The following NLGN2 variants were observed in gnomAD, a reference collection of about 807,000 sequenced individuals.
The protein encoded by NLGN2 is neuroligin 2.
In NLGN2, 11 loss-of-function variants were observed where a neutral mutation model predicts 48.6. The observed-to-expected ratio is 0.23, with a 90% CI of 0.14 to 0.37. The LOEUF is 0.37. NLGN2 is among the 10% of genes least tolerant of loss of function. The pLI is 1.00. For missense variants in NLGN2, 801 were observed against 1,225.2 expected (o/e 0.65, Z 5.17); for synonymous variants, 548 against 550.0 (o/e 1.00, Z 0.05).
At position 7,408,216 on chromosome 17, in the gene NLGN2, G is replaced by T. The variant is rs1287094592; in HGVS notation, c.-40G>T. 1.3e-5 allele frequency: 14 copies of T among 1,119,328 alleles called. No individual in the cohort carries two copies. The highest frequency in any genetic ancestry group is 9.9e-5 in the South Asian group (4 of 40,474). 69.3% of individuals were successfully genotyped at this position (1,119,328 alleles called of 1,614,324 possible). ...CCCCCCTTCTCTCTCTCTCCGAGGG[G>T]GGGGGGTCCCAGGGAGGGAGGGGGG... On this transcript the variant is annotated 5_prime_UTR_variant, in exon 1 of 7. Coordinates refer to ENST00000302926, the MANE Select transcript of NLGN2 (RefSeq NM_020795.4). The surrounding 1 kb of genome is among the most constrained non-coding windows in gnomAD (Gnocchi z 7.5).
At position 7,415,166 on chromosome 17, in the gene NLGN2, G is replaced by T; in HGVS notation, c.1037+18G>T. On this transcript the variant is annotated intron_variant, in intron 5 of 6. Coordinates refer to ENST00000302926, the MANE Select transcript of NLGN2 (RefSeq NM_020795.4). ...CCTGCCCGGTATGGGGTGGGAGAGG[G>T]CTGGGTCCAGGCCTTCAAGGTTCCA... 1.3e-6 allele frequency: 2 copies of T among 1,575,318 alleles called. No homozygotes were observed. Among genetic ancestry groups the T allele is most frequent in the Non-Finnish European group, 8.6e-7 (1 of 1,161,298 alleles).
In NLGN2 at chr17:7,408,791, C is replaced by G. The variant is rs929874700; in HGVS notation, c.457+79C>G. 1.8e-4 allele frequency: 288 copies of G among 1,606,386 alleles called. No homozygotes were observed. The highest frequency in any genetic ancestry group is 2.2e-4 in the Non-Finnish European group (254 of 1,177,778). ...CATGCAGACCCTCAGGCACTGGCAC[C>G]GCTCTAGGGCTCAGAGCTGGGCCTT... On this transcript the variant is annotated intron_variant, in intron 1 of 6. Coordinates refer to ENST00000302926, the MANE Select transcript of NLGN2 (RefSeq NM_020795.4). The surrounding 1 kb of genome is among the most constrained non-coding windows in gnomAD (Gnocchi z 7.5).
At position 7,408,151 on chromosome 17, in the gene NLGN2, C is replaced by T; in HGVS notation, c.-105C>T. On this transcript the variant is annotated 5_prime_UTR_variant, in exon 1 of 7. Transcript: ENST00000302926. The surrounding 1 kb of genome is among the most constrained non-coding windows in gnomAD (Gnocchi z 7.5). ...CCCTCCTCCCTCCTTTCCCCCCGCCCCTCCTCCCTCCTGGGGCGAGGGGGG... is the reference window on the plus strand; with the variant it reads ...CCCTCCTCCCTCCTTTCCCCCCGCCTCTCCTCCCTCCTGGGGCGAGGGGGG... The T allele has an allele frequency of 1.9e-6, 1 of 539,996 alleles. No homozygotes were observed. The highest frequency in any genetic ancestry group is 2.9e-6 in the Non-Finnish European group (1 of 341,146). The allele number at this position is 539,996 out of a possible 1,614,324, so 33.5% of individuals were successfully genotyped here. A position where few individuals can be genotyped will look rare whatever the true frequency, so the allele number is the denominator to read the frequency against.
At position 7,408,387 on chromosome 17, in the gene NLGN2, G is replaced by T. The variant is rs765245616; in HGVS notation, c.132G>T (p.Val44=). The T allele has an allele frequency of 1.3e-6, 2 of 1,537,834 alleles. No homozygotes were observed. Among genetic ancestry groups the T allele is most frequent in the South Asian group, 2.4e-5 (2 of 82,710 alleles). ...GSLGEERFPV[V]NTAYGRVRGV... ...TCGGCGAGGAGCGCTTCCCGGTGGT[G>T]AACACGGCCTACGGGCGAGTGCGCG... Residue 44 remains valine (V), a synonymous_variant, in exon 1 of 7, where the codon GTG becomes GTT. Transcript: ENST00000302926. The surrounding 1 kb of genome is among the most constrained non-coding windows in gnomAD (Gnocchi z 7.5).
At chr17:7,406,523 G>A (rs1906645200), upstream of NLGN2, among the ~76,000 whole-genome samples, 1 of 152,112 alleles carries the variant, frequency 6.6e-6, no homozygotes, top group South Asian at 2.1e-4. Flanking sequence ...GCATGACTGG[G>A]TGTGTGTGGT....
chr17:7,408,545 G>GCAACGCCACCACC lies in NLGN2; in HGVS notation c.292_304dup (p.Leu102GlnfsTer63). 1 of 1,547,854 alleles carries GCAACGCCACCACC rather than the reference G, an allele frequency of 6.5e-7. No individual in the cohort carries two copies. The highest frequency in any genetic ancestry group is 8.7e-7 in the Non-Finnish European group (1 of 1,148,782). On this transcript the variant is annotated frameshift_variant, in exon 1 of 7. Transcript: ENST00000302926. LOFTEE classifies it high-confidence loss of function. This position sits in a 1 kb window ranked among gnomAD's most constrained non-coding sequence, Gnocchi z 7.5. ...GCGCCCGCCTCGTGGCCCGGCGTGC[G>GCAACGCCACCACC]CAACGCCACCACCCTGCCGCCCGCC...
Position 7,408,147 on chromosome 17 carries a change from C to A in NLGN2, c.-109C>A, listed in dbSNP as rs191581477. ...AACCCCCTCCTCCCTCCTTTCCCCC[C>A]GCCCCTCCTCCCTCCTGGGGCGAGG... On this transcript the variant is annotated 5_prime_UTR_variant, in exon 1 of 7. Coordinates refer to ENST00000302926, the MANE Select transcript of NLGN2 (RefSeq NM_020795.4). The surrounding 1 kb of genome is among the most constrained non-coding windows in gnomAD (Gnocchi z 7.5). 0.023 allele frequency: 12,184 copies of A among 520,328 alleles called. 218 individuals carry two copies. The highest frequency in any genetic ancestry group is 0.042 in the Admixed American group (941 of 22,284). The allele number at this position is 520,328 out of a possible 1,614,324, so 32.2% of individuals were successfully genotyped here.
rs774750981 is a variant in NLGN2 at position 7,414,411 on chromosome 17, C to T, written c.576C>T (p.Thr192=). Residue 192 remains threonine (T), a synonymous_variant, in exon 3 of 7, where the codon ACC becomes ACT. Transcript: ENST00000302926. ...FLHGGSYMEG[T]GNMFDGSVLA... ...ATGGCGGCTCCTACATGGAGGGGAC[C>T]GGAAACATGTTCGATGGCTCAGTCC... The T allele has an allele frequency of 2.5e-5, 40 of 1,613,998 alleles. No homozygotes were observed. Among genetic ancestry groups the T allele is most frequent in the East Asian group, 6.7e-5 (3 of 44,882 alleles).
Position 7,417,262 on chromosome 17 carries a change from C to A in NLGN2, c.1971C>A (p.Pro657=), listed in dbSNP as rs78081080. 4 of 1,563,274 alleles carry A rather than the reference C, an allele frequency of 2.6e-6. No homozygotes were observed. The East Asian group carries it at 9.8e-5, about 38-fold the overall frequency. ...TGCCTCCCGAGCCCGAGCCCGAGCC[C>A]GGCCCAAGGGCCTATGACCGCTTCC... is the stretch of plus-strand genomic sequence containing the variant. ...ATLPPEPEPE[P]GPRAYDRFPG... The change falls in exon 7 of 7, where the codon CCC becomes CCA. Residue 657 remains proline (P), a synonymous_variant. Coordinates refer to ENST00000302926, the MANE Select transcript of NLGN2 (RefSeq NM_020795.4).
intron 5 of NLGN2, among the ~76,000 whole-genome samples, 180 bp from the exon 6 acceptor site, chr17:7,415,331 A>G (rs1377047956): frequency 2.0e-5 from 3 of 152,224 alleles, no homozygotes; most frequent in Non-Finnish European, 1.5e-5. Context: ...ACAGGGTGCC[A>G]TGAAGTGCTT....
chr17:7,408,763 G>A lies in NLGN2; in HGVS notation c.457+51G>A, dbSNP rs1458142010. 1 of 1,610,210 alleles carries A rather than the reference G, an allele frequency of 6.2e-7. No homozygotes were observed. Among genetic ancestry groups the A allele is most frequent in the Non-Finnish European group, 8.5e-7 (1 of 1,178,728 alleles). Reference sequence around the variant, plus strand: ...CACCCCGTGGACACAGCCCACAAACGCACATGCAGACCCTCAGGCACTGGC... The same window carrying A: ...CACCCCGTGGACACAGCCCACAAACACACATGCAGACCCTCAGGCACTGGC... On this transcript the variant is annotated intron_variant, in intron 1 of 6. Coordinates refer to ENST00000302926, the MANE Select transcript of NLGN2 (RefSeq NM_020795.4). This position sits in a 1 kb window ranked among gnomAD's most constrained non-coding sequence, Gnocchi z 7.5.
In NLGN2 at chr17:7,417,167, G is replaced by A. The variant is rs780180628; in HGVS notation, c.1876G>A (p.Ala626Thr). The change falls in exon 7 of 7, where the codon GCC (alanine) becomes ACC (threonine). Residue 626 changes from alanine to threonine, a missense_variant. Around this residue, in one of 5 missense-constraint regions of NLGN2, gnomAD observed 303 missense variants for 600.1 expected, o/e 0.50. Transcript: ENST00000302926. ...FTTTTRLPPY[A>T]TRWPPRPPAG... ...CACCACCACGCGCCTGCCTCCCTACGCCACGCGCTGGCCGCCTCGTCCCCC... is the reference window on the plus strand; with the variant it reads ...CACCACCACGCGCCTGCCTCCCTACACCACGCGCTGGCCGCCTCGTCCCCC... The A allele has an allele frequency of 3.1e-6, 5 of 1,594,780 alleles. No individual in the cohort carries two copies. The highest frequency in any genetic ancestry group is 4.5e-5 in the East Asian group (2 of 44,120).
rs1907282703 is a variant in NLGN2 at position 7,419,164 on chromosome 17, GAA to G, written c.*1367_*1368del. ...ACCCACGCCCCCTCCTTGTCTGAAAGAAAGGAGCCTTGAATGGTGGAGGGAGG... is the reference window on the plus strand; with the variant it reads ...ACCCACGCCCCCTCCTTGTCTGAAAGAGGAGCCTTGAATGGTGGAGGGAGG... On this transcript the variant is annotated 3_prime_UTR_variant, in exon 7 of 7. Transcript: ENST00000302926. 1 of 152,590 alleles carries G rather than the reference GAA, an allele frequency of 6.6e-6. No homozygotes were observed. Among genetic ancestry groups the G allele is most frequent in the East Asian group, 1.9e-4 (1 of 5,174 alleles). The allele number at this position is 152,590 out of a possible 1,614,324, so 9.5% of individuals were successfully genotyped here. A position where few individuals can be genotyped will look rare whatever the true frequency, so the allele number is the denominator to read the frequency against.
rs920616411 is a variant in NLGN2 at position 7,411,216 on chromosome 17, G to T, written c.458-941G>T. On this transcript the variant is annotated intron_variant, in intron 1 of 6. Transcript: ENST00000302926. The surrounding 1 kb of genome is among the most constrained non-coding windows in gnomAD (Gnocchi z 4.5). The stretch of plus-strand genomic sequence containing the variant: ...TCCCTATCTGTGGACTGAACCACCC[G>T]CTCGGCCGTTGGGGAAGGGGTGCTT... Among the ~76,000 whole-genome samples, 1 of 152,334 alleles carries T rather than the reference G, an allele frequency of 6.6e-6. No individual in the cohort carries two copies. The highest frequency in any genetic ancestry group is 1.9e-4 in the East Asian group (1 of 5,184).
Position 7,408,785 on chromosome 17 carries a change from T to G in NLGN2, c.457+73T>G. The G allele has an allele frequency of 6.2e-7, 1 of 1,607,800 alleles. No individual in the cohort carries two copies. ...AACGCACATGCAGACCCTCAGGCAC[T>G]GGCACCGCTCTAGGGCTCAGAGCTG... On this transcript the variant is annotated intron_variant, in intron 1 of 6. Transcript: ENST00000302926. This position sits in a 1 kb window ranked among gnomAD's most constrained non-coding sequence, Gnocchi z 7.5.
At position 7,408,401 on chromosome 17, in the gene NLGN2, G is replaced by A. The variant is rs1375906366; in HGVS notation, c.146G>A (p.Gly49Glu). The A allele has an allele frequency of 6.4e-7, 1 of 1,556,684 alleles. No individual in the cohort carries two copies. The highest frequency in any genetic ancestry group is 8.6e-7 in the Non-Finnish European group (1 of 1,156,462). Residue 49 changes from glycine to glutamate, a missense_variant, in exon 1 of 7, where the codon GGG (glycine) becomes GAG (glutamate). Around this residue, in one of 5 missense-constraint regions of NLGN2, gnomAD observed 164 missense variants for 186.2 expected, o/e 0.88. Transcript: ENST00000302926. The surrounding 1 kb of genome is among the most constrained non-coding windows in gnomAD (Gnocchi z 7.5). ...ERFPVVNTAY[G>E]RVRGVRRELN... ...TTCCCGGTGGTGAACACGGCCTACG[G>A]GCGAGTGCGCGGTGTGCGGCGCGAG... is the stretch of plus-strand genomic sequence containing the variant.
At chr17:7,412,957 C>T (rs778800264) in intron 2 of NLGN2, among the ~76,000 whole-genome samples, 29 of 151,656 alleles carry the variant, frequency 1.9e-4, no homozygotes, top group African/African-American at 3.1e-4. Context: ...GAATTCTTGT[C>T]GCCCCAGCCC....
intron 2 of NLGN2, among the ~76,000 whole-genome samples, 181 bp downstream of exon 2, chr17:7,412,388 C>T (rs550572104): frequency 1.9e-4 from 29 of 151,936 alleles, no homozygotes; most frequent in East Asian, 9.7e-4. Context: ...AAACTTCAAA[C>T]GAAATTTGAA....
chr17:7,414,609 G>A, intron 3 of NLGN2, 54 bp from the exon 4 acceptor site: 4 of 1,611,584 alleles, frequency 2.5e-6, no homozygotes, highest in Non-Finnish European at 3.4e-6. Context: ...TGCCCAGAAA[G>A]GGGGCAGGGG....
Sources: gnomAD v4.1 joint callset for allele counts (sites outside exome capture counted in the v4.1 genomes callset) on GRCh38, gnomAD v4.1.1 for gene constraint, gnomAD v4.1.1 regional missense constraint, Gnocchi (gnomAD v3.1) non-coding constraint, MANE v1.5 for transcripts, NCBI Gene and HGNC (gene_info 2026-07-23, HGNC 2026-07-21) for gene names.